PLCH1: variants seen among roughly 807,000 people sequenced by gnomAD.
The protein encoded by PLCH1 is 1-phosphatidylinositol 4,5-bisphosphate phosphodiesterase eta-1.
PLCH1 carries 60 observed loss-of-function variants against 126.7 expected under a neutral mutation model. That is an observed-to-expected ratio of 0.47 (90% CI 0.38 to 0.59). PLCH1 has a LOEUF of 0.59. Among genes scored for constraint, PLCH1 ranks in the 20% least tolerant of loss-of-function variants. The pLI, the probability that PLCH1 is intolerant of heterozygous loss-of-function variation, is 0.00. For synonymous variants in PLCH1, 719 were observed against 734.9 expected (o/e 0.98, Z 0.35); for missense variants, 1,723 against 2,040.0 (o/e 0.84, Z 2.99).
At chr3:155,553,696 C>T (rs144445861) in intron 9 of PLCH1, among the ~76,000 whole-genome samples, 1 of 152,228 alleles carries the variant, frequency 6.6e-6, no homozygotes, top group Non-Finnish European at 1.5e-5. Flanking sequence ...CATAAGGACT[C>T]CAGACACCTC....
At chr3:155,620,764 G>A (rs1736375699) in intron 2 of PLCH1, among the ~76,000 whole-genome samples, 3 of 152,190 alleles carry the variant, frequency 2.0e-5, no homozygotes, top group Admixed American at 2.0e-4. Context: ...GCCCCAGTCA[G>A]GGACTTACAG....
intron 1 of PLCH1, among the ~76,000 whole-genome samples, chr3:155,710,970 CT>C (rs35033002): frequency 0.11 from 15,166 of 136,054 alleles, 1,647 homozygotes; most frequent in African/African-American, 0.28. Flanking sequence ...GCACTGTGGT[CT>C]TTTTTTTTTT....
chr3:155,610,269 GA>G (rs1734869256), intron 2 of PLCH1, among the ~76,000 whole-genome samples: 2 of 147,858 alleles, frequency 1.4e-5, no homozygotes, highest in African/African-American at 5.0e-5. Flanking sequence ...ACTGAGGCAG[GA>G]GAATCGCTTG....
chr3:155,678,511 ACCT>A (rs1444491004), intron 2 of PLCH1, among the ~76,000 whole-genome samples: 2 of 152,154 alleles, frequency 1.3e-5, no homozygotes, highest in Non-Finnish European at 2.9e-5. Context: ...GTAGCAAATA[ACCT>A]CCTATGCAGC....
chr3:155,645,576 A>G (rs1440071074), intron 2 of PLCH1, among the ~76,000 whole-genome samples: 1 of 152,176 alleles, frequency 6.6e-6, no homozygotes, highest in Non-Finnish European at 1.5e-5. Flanking sequence ...TCCCAGGCTC[A>G]AGCGATTGAT....
At chr3:155,730,708 A>C (rs529776465) in intron 1 of PLCH1, among the ~76,000 whole-genome samples, 83 of 152,236 alleles carry the variant, frequency 5.5e-4, no homozygotes, top group Non-Finnish European at 9.7e-4. Context: ...CACAAGAGCT[A>C]AGGAAACCAG....
chr3:155,496,372 T>C (rs551476306), intron 15 of PLCH1, among the ~76,000 whole-genome samples: 13 of 152,356 alleles, frequency 8.5e-5, no homozygotes, highest in African/African-American at 3.1e-4. Flanking sequence ...TGTTGCTCAG[T>C]TGCTGAGAAT....
At chr3:155,484,345 T>C (rs1714669014) in intron 22 of PLCH1, among the ~76,000 whole-genome samples, 1 of 152,224 alleles carries the variant, frequency 6.6e-6, no homozygotes, top group Admixed American at 6.5e-5. Flanking sequence ...ATGTTTTATC[T>C]CTTCTCTGAC....
intron 1 of PLCH1, among the ~76,000 whole-genome samples, chr3:155,718,448 G>A (rs1314393420): frequency 6.6e-6 from 1 of 152,078 alleles, no homozygotes; most frequent in Non-Finnish European, 1.5e-5. Context: ...TCTGTGTTAG[G>A]CCATTCTTGC....
In PLCH1 at chr3:155,605,081, T is replaced by C. The variant is rs898921234; in HGVS notation, c.80-8703A>G. ...AGTTATAAACTTTGCTTTGGGTCCCTGAAACAAAAACTGAATGAGGTTTCC... is the reference window on the plus strand; with the variant it reads ...AGTTATAAACTTTGCTTTGGGTCCCCGAAACAAAAACTGAATGAGGTTTCC... On this transcript the variant is annotated intron_variant, in intron 2 of 22. Coordinates refer to ENST00000460012, the MANE Select transcript of PLCH1 (RefSeq NM_014996.4). Among the ~76,000 whole-genome samples, 8 of 152,316 alleles carry C rather than the reference T, an allele frequency of 5.3e-5. No homozygotes were observed. The East Asian group carries it at 5.8e-4, about 11-fold the overall frequency.
At chr3:155,720,921 G>A (rs1006512694) in intron 1 of PLCH1, among the ~76,000 whole-genome samples, 4 of 152,204 alleles carry the variant, frequency 2.6e-5, no homozygotes, top group Non-Finnish European at 4.4e-5. Context: ...GAAGCATCCA[G>A]TTTCATTCTT....
intron 1 of PLCH1, among the ~76,000 whole-genome samples, chr3:155,733,502 A>G (rs1748927261): frequency 6.6e-6 from 1 of 152,228 alleles, no homozygotes; most frequent in African/African-American, 2.4e-5. Flanking sequence ...AGGTTGAGGA[A>G]AACTGGATAT....
chr3:155,703,980 T>A (rs372086611), intron 2 of PLCH1, among the ~76,000 whole-genome samples, 166 bp downstream of exon 2: 3 of 152,200 alleles, frequency 2.0e-5, no homozygotes, highest in African/African-American at 7.2e-5. Flanking sequence ...CAAGTGGAGA[T>A]AGTAAGTGCA....
At chr3:155,487,920 G>A in intron 21 of PLCH1, 108 bp downstream of exon 21, 8 of 731,626 alleles carry the variant, frequency 1.1e-5, no homozygotes, top group South Asian at 6.8e-5. Context: ...AGAGTTTTTG[G>A]TTCAAGAACA....
At chr3:155,580,853 T>C (rs1009983509) in intron 6 of PLCH1, among the ~76,000 whole-genome samples, 1 of 152,202 alleles carries the variant, frequency 6.6e-6, no homozygotes. Flanking sequence ...TCTTTCCTTT[T>C]ATCATAGACT....
At chr3:155,687,991 T>A (rs1745084428) in intron 2 of PLCH1, among the ~76,000 whole-genome samples, 1 of 152,164 alleles carries the variant, frequency 6.6e-6, no homozygotes, top group Admixed American at 6.5e-5. Flanking sequence ...CCTTACTGGA[T>A]CTAAATGCTA....
rs539819531 is a variant in PLCH1, at chr3:155,627,034, C to T, written c.80-30656G>A. ...AAACATGAGGAAGAAAATACCCTTA[C>T]TCATGGTTAAAAACTTAAAAGTCAA... is the stretch of plus-strand genomic sequence containing the variant. On this transcript the variant is annotated intron_variant, in intron 2 of 22. Coordinates refer to ENST00000460012, the MANE Select transcript of PLCH1 (RefSeq NM_014996.4). Among the ~76,000 whole-genome samples the T allele has an allele frequency of 1.6e-4, 25 of 152,188 alleles. No homozygotes were observed. The East Asian group carries it at 4.6e-3, about 28-fold the overall frequency.
chr3:155,541,545 T>C (rs540150065), intron 10 of PLCH1, among the ~76,000 whole-genome samples: 47 of 152,136 alleles, frequency 3.1e-4, no homozygotes, highest in Non-Finnish European at 5.1e-4. Context: ...AATCAGGTGG[T>C]TCATGGAGCA....
intron 2 of PLCH1, among the ~76,000 whole-genome samples, chr3:155,632,309 C>A (rs192084666): frequency 4.6e-5 from 7 of 152,180 alleles, no homozygotes; most frequent in Admixed American, 1.3e-4. Context: ...CCCTATATCT[C>A]CATATCAAGA....
Sources: allele counts gnomAD v4.1 joint callset (sites outside exome capture counted in the v4.1 genomes callset), GRCh38; gene constraint gnomAD v4.1.1; transcripts MANE v1.5; gene names NCBI Gene and HGNC (gene_info 2026-07-23, HGNC 2026-07-21).